The following CDH13 variants were observed in gnomAD, a reference collection of about 807,000 sequenced individuals.
CDH13 encodes cadherin 13.
CDH13 carries 24 observed loss-of-function variants against 63.8 expected under a neutral mutation model. That is an observed-to-expected ratio of 0.38 (90% CI 0.27 to 0.53). CDH13 has a LOEUF of 0.53. CDH13 is among the 20% of genes least tolerant of loss of function. CDH13 has a pLI of 0.85. For missense variants in CDH13, 1,049 were observed against 903.1 expected (o/e 1.16, Z -2.07); for synonymous variants, 503 against 355.3 (o/e 1.42, Z -4.67).
intron 6 of CDH13, among the ~76,000 whole-genome samples, chr16:83,430,866 T>G (rs34890738): frequency 2.0e-5 from 3 of 151,840 alleles, no homozygotes. Flanking sequence ...GTGCACATTG[T>G]GCAGGTTAGT....
At chr16:83,053,939 A>G (rs906281247) in intron 3 of CDH13, among the ~76,000 whole-genome samples, 1 of 152,216 alleles carries the variant, frequency 6.6e-6, no homozygotes, top group Non-Finnish European at 1.5e-5. Context: ...TCAATGACGG[A>G]CCACATATGT....
At chr16:83,739,063 C>G (rs1342807056) in intron 10 of CDH13, among the ~76,000 whole-genome samples, 1 of 152,204 alleles carries the variant, frequency 6.6e-6, no homozygotes, top group African/African-American at 2.4e-5. Flanking sequence ...AAAGACCTGC[C>G]TACAAGGTTG....
intron 1 of CDH13, among the ~76,000 whole-genome samples, chr16:82,741,385 T>A (rs2033925689): frequency 6.6e-6 from 1 of 152,222 alleles, no homozygotes; most frequent in Admixed American, 6.5e-5. Context: ...CTTTACAACG[T>A]CTGCACATCC....
intron 2 of CDH13, among the ~76,000 whole-genome samples, chr16:82,905,896 A>G (rs138681591): frequency 8.2e-4 from 125 of 152,312 alleles, no homozygotes; most frequent in African/African-American, 2.8e-3. Context: ...CAGTGTGGCA[A>G]AAGTTTCTCT....
chr16:82,828,759 A>G (rs72807810), intron 1 of CDH13, among the ~76,000 whole-genome samples: 24,034 of 152,148 alleles, frequency 0.16, 2,602 homozygotes, highest in Non-Finnish European at 0.23. Flanking sequence ...CAGTACAACT[A>G]TTTTCATAGC....
Position 83,795,319 on chromosome 16 carries a change from T to G in CDH13, c.*289T>G. The G allele has an allele frequency of 4.7e-6, 2 of 429,212 alleles. No individual in the cohort carries two copies. Among genetic ancestry groups the G allele is most frequent in the Non-Finnish European group, 8.4e-6 (2 of 237,736 alleles). The allele number at this position is 429,212 out of a possible 1,614,324, so 26.6% of individuals were successfully genotyped here. Reference sequence around the variant, plus strand: ...GAGCAGGAACAATGACTACTTTTTCTGGTGTGTTAACATGTCGCTAGCCAG... The same window carrying G: ...GAGCAGGAACAATGACTACTTTTTCGGGTGTGTTAACATGTCGCTAGCCAG... On this transcript the variant is annotated 3_prime_UTR_variant, in exon 14 of 14. Coordinates refer to ENST00000567109, the MANE Select transcript of CDH13 (RefSeq NM_001257.5).
intron 2 of CDH13, among the ~76,000 whole-genome samples, chr16:82,948,727 T>A (rs1443645006): frequency 1.3e-5 from 2 of 152,190 alleles, no homozygotes; most frequent in Non-Finnish European, 2.9e-5. Flanking sequence ...TCAGTTGCCT[T>A]CTTTACACCA....
chr16:83,227,330 G>A (rs1002264136), intron 5 of CDH13, among the ~76,000 whole-genome samples: 22 of 152,208 alleles, frequency 1.4e-4, no homozygotes, highest in Non-Finnish European at 2.1e-4. Context: ...CCTGATAAGG[G>A]AGGAGGCAGC....
At chr16:83,676,930 T>A (rs1286777782) in intron 9 of CDH13, among the ~76,000 whole-genome samples, 1 of 152,226 alleles carries the variant, frequency 6.6e-6, no homozygotes, top group Non-Finnish European at 1.5e-5. Context: ...CTGCTTTCAT[T>A]TTCCCATGTC....
At chr16:82,655,842 A>C (rs1243009877) in intron 1 of CDH13, among the ~76,000 whole-genome samples, 1 of 152,184 alleles carries the variant, frequency 6.6e-6, no homozygotes, top group Admixed American at 6.5e-5. Context: ...AAGGTCGCCC[A>C]GATAGGAAGC....
intron 3 of CDH13, among the ~76,000 whole-genome samples, chr16:83,034,688 G>A (rs1916688136): frequency 6.6e-6 from 1 of 152,122 alleles, no homozygotes; most frequent in Non-Finnish European, 1.5e-5. Context: ...CTTTCTATCT[G>A]GAAAAGATAC....
chr16:82,754,697 G>T (rs1178392687), intron 1 of CDH13, among the ~76,000 whole-genome samples: 1 of 152,074 alleles, frequency 6.6e-6, no homozygotes, highest in Non-Finnish European at 1.5e-5. Flanking sequence ...TCTACCTTTT[G>T]TTACGATGAT....
At chr16:83,157,577 A>G (rs575998316) in intron 4 of CDH13, among the ~76,000 whole-genome samples, 11 of 152,122 alleles carry the variant, frequency 7.2e-5, no homozygotes, top group Non-Finnish European at 1.2e-4. Flanking sequence ...CTAGCAGGAA[A>G]ATACCACATT....
At chr16:82,842,104 A>ATATATG (rs1555528113) in intron 1 of CDH13, among the ~76,000 whole-genome samples, 7 of 37,198 alleles carry the variant, frequency 1.9e-4, no homozygotes, top group Non-Finnish European at 3.2e-4. Context: ...ATATATATAT[A>ATATATG]TATATATGTA....
intron 1 of CDH13, among the ~76,000 whole-genome samples, chr16:82,753,578 C>T (rs2034502535): frequency 6.6e-6 from 1 of 152,102 alleles, no homozygotes; most frequent in South Asian, 2.1e-4. Context: ...AACAATTCTC[C>T]ATCAAAAAAA....
chr16:83,333,516 C>A (rs762938615), intron 5 of CDH13, among the ~76,000 whole-genome samples: 1 of 152,068 alleles, frequency 6.6e-6, no homozygotes, highest in South Asian at 2.1e-4. Flanking sequence ...TGACCTGTGA[C>A]GAGGCTGTGG....
chr16:83,323,876 C>T (rs967352864), intron 5 of CDH13, among the ~76,000 whole-genome samples: 5 of 152,116 alleles, frequency 3.3e-5, no homozygotes, highest in African/African-American at 4.8e-5. Flanking sequence ...ATAGTTATTT[C>T]CTCACCATCC....
At position 83,281,709 on chromosome 16, in the gene CDH13, G is replaced by C. The variant is rs150200171; in HGVS notation, c.637-63153G>C. ...AGATCACTTGAGGTCAGGAGTTCGA[G>C]ACCAGCCTGGCCAACATAGTAAAAC... On this transcript the variant is annotated intron_variant, in intron 5 of 13. Coordinates refer to ENST00000567109, the MANE Select transcript of CDH13 (RefSeq NM_001257.5). Among the ~76,000 whole-genome samples, 239 of 150,394 alleles carry C rather than the reference G, an allele frequency of 1.6e-3. 1 individual carries two copies. Among genetic ancestry groups the C allele is most frequent in the African/African-American group, 5.6e-3 (230 of 40,808 alleles).
At chr16:83,790,995 G>A (rs1389707850) in intron 13 of CDH13, among the ~76,000 whole-genome samples, 1 of 152,114 alleles carries the variant, frequency 6.6e-6, no homozygotes, top group Non-Finnish European at 1.5e-5. Flanking sequence ...GTAAGATGTA[G>A]ACAAACTCAG....
Sources: allele counts gnomAD v4.1 joint callset (sites outside exome capture counted in the v4.1 genomes callset), GRCh38; gene constraint gnomAD v4.1.1; transcripts MANE v1.5; gene names NCBI Gene and HGNC (gene_info 2026-07-23, HGNC 2026-07-21).